Variants in GFRA1 observed in about 807,000 individuals in gnomAD.
GFRA1 encodes the protein GDNF family receptor alpha-1.
GFRA1 carries 16 observed loss-of-function variants against 51.6 expected under a neutral mutation model. The observed-to-expected ratio is 0.31, with a 90% CI of 0.21 to 0.47. GFRA1 has a LOEUF of 0.47. Ranked by LOEUF, GFRA1 falls within the 20% of genes least tolerant of loss-of-function variation. The pLI is 1.00. For missense variants in GFRA1, 530 were observed against 594.3 expected (o/e 0.89, Z 1.13); for synonymous variants, 270 against 241.3 (o/e 1.12, Z -1.10).
At chr10:116,258,741 G>T (rs1969083653) in intron 4 of GFRA1, among the ~76,000 whole-genome samples, 1 of 152,096 alleles carries the variant, frequency 6.6e-6, no homozygotes, top group Non-Finnish European at 1.5e-5. Context: ...TTGAGCCCCA[G>T]TTCCCTTATC....
At chr10:116,198,193 C>T (rs1285045013) in intron 5 of GFRA1, among the ~76,000 whole-genome samples, 3 of 152,006 alleles carry the variant, frequency 2.0e-5, no homozygotes, top group South Asian at 2.1e-4. Flanking sequence ...CCCCAACGCC[C>T]CCACACGATA....
At chr10:116,097,245 T>C (rs900940765) in intron 6 of GFRA1, among the ~76,000 whole-genome samples, 4 of 152,128 alleles carry the variant, frequency 2.6e-5, no homozygotes, top group African/African-American at 9.7e-5. Context: ...GCTTTAAGAA[T>C]GTGTGTTTCT....
intron 6 of GFRA1, among the ~76,000 whole-genome samples, chr10:116,100,327 C>T (rs779591048): frequency 2.0e-5 from 3 of 152,214 alleles, no homozygotes; most frequent in Non-Finnish European, 4.4e-5. Flanking sequence ...GCCCATTTTA[C>T]AGATGAGGAA....
At position 116,244,183 on chromosome 10, in the gene GFRA1, G is replaced by T. The variant is rs117974408; in HGVS notation, c.418+25320C>A. Among the ~76,000 whole-genome samples, 3 of 144,394 alleles carry T rather than the reference G, an allele frequency of 2.1e-5. No individual in the cohort carries two copies. The East Asian group carries it at 5.8e-4, about 28-fold the overall frequency. The allele number at this position is 144,394 out of a possible 152,430, so 94.7% of individuals were successfully genotyped here. ...AGAATCTTTCAGATTGATCTATTAC[G>T]GATCTATTGATCTATTACAGATTTA... is the stretch of plus-strand genomic sequence containing the variant. On this transcript the variant is annotated intron_variant, in intron 4 of 10. Transcript: ENST00000355422.
At chr10:116,125,148 G>A (rs1957800688) in intron 6 of GFRA1, 73 bp downstream of exon 6, 1 of 1,302,992 alleles carries the variant, frequency 7.7e-7, no homozygotes, top group African/African-American at 1.5e-5. Flanking sequence ...AGAAAAGGGA[G>A]CTTGGCAGCC....
At chr10:116,145,801 T>C (rs1958774294) in intron 5 of GFRA1, among the ~76,000 whole-genome samples, 1 of 152,102 alleles carries the variant, frequency 6.6e-6, no homozygotes, top group African/African-American at 2.4e-5. Flanking sequence ...ATAACCCAAA[T>C]GCCCAGTGAT....
intron 5 of GFRA1, among the ~76,000 whole-genome samples, chr10:116,155,235 C>G (rs1455237410): frequency 6.6e-6 from 1 of 152,174 alleles, no homozygotes; most frequent in African/African-American, 2.4e-5. Flanking sequence ...GGTCACAAAG[C>G]TGATGACTGG....
chr10:116,255,598 C>T (rs1287279267), intron 4 of GFRA1: 14 of 1,288,744 alleles, frequency 1.1e-5, no homozygotes, highest in African/African-American at 1.5e-5. Context: ...TGGCTGGGTA[C>T]ACGCCCTTTC....
At chr10:116,089,013 T>C (rs1956220585) in intron 9 of GFRA1, among the ~76,000 whole-genome samples, 1 of 150,072 alleles carries the variant, frequency 6.7e-6, no homozygotes, top group South Asian at 2.1e-4. Context: ...TGAGTACTTA[T>C]TACTATGAAA....
At chr10:116,148,970 C>G (rs1312064896) in intron 5 of GFRA1, among the ~76,000 whole-genome samples, 1 of 152,170 alleles carries the variant, frequency 6.6e-6, no homozygotes, top group Non-Finnish European at 1.5e-5. Flanking sequence ...CAAGAGCACA[C>G]TGGGTCTAAG....
intron 4 of GFRA1, among the ~76,000 whole-genome samples, chr10:116,265,182 G>T (rs927713597): frequency 6.6e-6 from 1 of 152,130 alleles, no homozygotes; most frequent in Admixed American, 6.5e-5. Flanking sequence ...AGATCCTAAG[G>T]CTTCCCGGAA....
chr10:116,167,174 G>A (rs56692380), intron 5 of GFRA1, among the ~76,000 whole-genome samples: 1 of 152,104 alleles, frequency 6.6e-6, no homozygotes, highest in East Asian at 1.9e-4. Context: ...AATAGCAGAA[G>A]AACTTCCTCC....
At chr10:116,123,620 G>T (rs1957733997) in intron 6 of GFRA1, among the ~76,000 whole-genome samples, 1 of 152,156 alleles carries the variant, frequency 6.6e-6, no homozygotes, top group African/African-American at 2.4e-5. Context: ...TTTAGAAACG[G>T]GGAACCAATA....
chr10:116,112,900 G>A (rs1957267923), intron 6 of GFRA1, among the ~76,000 whole-genome samples: 1 of 152,212 alleles, frequency 6.6e-6, no homozygotes, highest in Non-Finnish European at 1.5e-5. Context: ...CGCAAGGCAG[G>A]CGCACACCCC....
At position 116,064,225 on chromosome 10, in the gene GFRA1, C is replaced by T; in HGVS notation, c.*173G>A. On this transcript the variant is annotated 3_prime_UTR_variant, in exon 11 of 11. Transcript: ENST00000355422. Reference sequence around the variant, plus strand: ...ACTGCATCAGGTTTTTCACAGAAGCCCCAAAGGATCACAAGAAGCTTTCTT... The same window carrying T: ...ACTGCATCAGGTTTTTCACAGAAGCTCCAAAGGATCACAAGAAGCTTTCTT... 1 of 621,874 alleles carries T rather than the reference C, an allele frequency of 1.6e-6. No homozygotes were observed. The highest frequency in any genetic ancestry group is 2.8e-6 in the Non-Finnish European group (1 of 354,856). 38.5% of individuals were successfully genotyped at this position (621,874 alleles called of 1,614,324 possible). A position where few individuals can be genotyped will look rare whatever the true frequency, so the allele number is the denominator to read the frequency against.
At chr10:116,074,458 G>A (rs1955531267) in intron 9 of GFRA1, among the ~76,000 whole-genome samples, 1 of 152,170 alleles carries the variant, frequency 6.6e-6, no homozygotes, top group African/African-American at 2.4e-5. Context: ...GTCTGAAAAG[G>A]AATACAGAGC....
chr10:116,096,271 C>A (rs1425560573), intron 7 of GFRA1, among the ~76,000 whole-genome samples: 3 of 152,056 alleles, frequency 2.0e-5, no homozygotes, highest in Non-Finnish European at 4.4e-5. Flanking sequence ...GAATGACTTC[C>A]CTTTCTCCAA....
intron 5 of GFRA1, among the ~76,000 whole-genome samples, chr10:116,135,774 C>T (rs1219911556): frequency 6.6e-6 from 1 of 152,094 alleles, no homozygotes; most frequent in East Asian, 1.9e-4. Flanking sequence ...AGGACTCAAG[C>T]AAAACAGCTA....
intron 4 of GFRA1, among the ~76,000 whole-genome samples, chr10:116,230,924 T>G (rs1204883741): frequency 6.6e-6 from 1 of 151,992 alleles, no homozygotes; most frequent in Non-Finnish European, 1.5e-5. Flanking sequence ...TCTGGATGGG[T>G]GGAGCATCCC....
Sources: gnomAD v4.1 joint callset for allele counts (sites outside exome capture counted in the v4.1 genomes callset) on GRCh38, gnomAD v4.1.1 for gene constraint, MANE v1.5 for transcripts, NCBI Gene and HGNC (gene_info 2026-07-23, HGNC 2026-07-21) for gene names.